Variants in CCDC97 observed in about 807,000 individuals in gnomAD.
CCDC97 encodes the protein coiled-coil domain-containing protein 97.
In CCDC97, 27 loss-of-function variants were observed where a neutral mutation model predicts 33.9. The observed-to-expected ratio is 0.80, with a 90% CI of 0.59 to 1.10. The LOEUF (loss-of-function observed/expected upper bound fraction) is 1.10, where lower values mean the gene tolerates loss of function less well. Among genes scored for constraint, CCDC97 ranks in the 50% least tolerant of loss-of-function variants. CCDC97 has a pLI of 0.00. For missense variants in CCDC97, 422 were observed against 476.6 expected (o/e 0.89, Z 1.07); for synonymous variants, 217 against 194.0 (o/e 1.12, Z -0.99).
chr19:41,322,446 TG>T (rs1200422673), intron 4 of CCDC97, 148 bp from the exon 5 acceptor site: 1 of 775,386 alleles, frequency 1.3e-6, no homozygotes, highest in Non-Finnish European at 2.0e-6. Flanking sequence ...TTTTAAACCC[TG>T]AGAGTTTTAA....
At chr19:41,311,605 T>C (rs1289970695) in intron 1 of CCDC97, among the ~76,000 whole-genome samples, 5 of 152,056 alleles carry the variant, frequency 3.3e-5, no homozygotes, top group African/African-American at 1.2e-4. Context: ...TCGTGGTATG[T>C]GCCTGTAATC....
intron 1 of CCDC97, among the ~76,000 whole-genome samples, chr19:41,314,927 AAGAG>A (rs1204194183): frequency 6.6e-6 from 1 of 151,932 alleles, no homozygotes; most frequent in East Asian, 1.9e-4. Context: ...GCCTGAGCTC[AAGAG>A]ATTGAGACCA....
At chr19:41,314,979 CTT>C (rs71177713) in intron 1 of CCDC97, among the ~76,000 whole-genome samples, 154 of 141,708 alleles carry the variant, frequency 1.1e-3, no homozygotes, top group Admixed American at 1.1e-3. Flanking sequence ...TTTACTGAAA[CTT>C]TTTTTTTTTT....
intron 1 of CCDC97, among the ~76,000 whole-genome samples, chr19:41,313,429 T>G (rs952363483): frequency 1.3e-5 from 2 of 152,190 alleles, no homozygotes; most frequent in Admixed American, 6.5e-5. Context: ...TCCTGACATC[T>G]TTCTGATTCG....
At chr19:41,311,292 G>T (rs941886967) in intron 1 of CCDC97, among the ~76,000 whole-genome samples, 3 of 152,024 alleles carry the variant, frequency 2.0e-5, no homozygotes, top group Non-Finnish European at 4.4e-5. Flanking sequence ...GGAGACTAAG[G>T]TGGGAGTGTC....
rs2037751102 is a variant in CCDC97 at position 41,316,669 on chromosome 19, T to G, written c.332T>G (p.Phe111Cys). ...HEKPLVFLER[F>C]RTGLREEHLA... ...AAGCCACTGGTGTTCCTGGAGCGCTTCCGCACAGGCCTCCGTGAGGAGCAT... is the reference window on the plus strand; with the variant it reads ...AAGCCACTGGTGTTCCTGGAGCGCTGCCGCACAGGCCTCCGTGAGGAGCAT... Residue 111 changes from phenylalanine to cysteine, a missense_variant, in exon 2 of 5, where the codon TTC becomes TGC. Phe to Cys is a radical substitution (Grantham distance 205). Coordinates refer to ENST00000269967, the MANE Select transcript of CCDC97 (RefSeq NM_052848.3). 6.2e-7 allele frequency: 1 copy of G among 1,613,982 alleles called. No homozygotes were observed. Among genetic ancestry groups the G allele is most frequent in the African/African-American group, 1.3e-5 (1 of 74,924 alleles).
chr19:41,311,441 TA>T, intron 1 of CCDC97, among the ~76,000 whole-genome samples: 1 of 150,866 alleles, frequency 6.6e-6, no homozygotes, highest in African/African-American at 2.4e-5. Context: ...ACAAAAAATT[TA>T]AAAATTAAGG....
At position 41,310,388 on chromosome 19, in the gene CCDC97, G is replaced by T. The variant is rs1259933025; in HGVS notation, c.46+32G>T. 3 of 1,589,990 alleles carry T rather than the reference G, an allele frequency of 1.9e-6. No individual in the cohort carries two copies. The East Asian group carries it at 6.9e-5, about 36-fold the overall frequency. On this transcript the variant is annotated intron_variant, in intron 1 of 4. Transcript: ENST00000269967. ...TCTTGGTCACGCGCAGGCGGCGGGT[G>T]GGTGCGGTTGCGGTGTCTCTAGGAA...
chr19:41,318,928 G>T (rs959820402), intron 2 of CCDC97, among the ~76,000 whole-genome samples: 1 of 152,098 alleles, frequency 6.6e-6, no homozygotes, highest in Non-Finnish European at 1.5e-5. Context: ...CGTGTCCACT[G>T]CCAGCCAGAC....
At chr19:41,313,928 G>T (rs1354319711) in intron 1 of CCDC97, among the ~76,000 whole-genome samples, 2 of 152,090 alleles carry the variant, frequency 1.3e-5, no homozygotes, top group Non-Finnish European at 2.9e-5. Flanking sequence ...TTGAATTTGT[G>T]GCCTCAAGTG....
At chr19:41,316,134 C>T (rs1185968305) in intron 1 of CCDC97, among the ~76,000 whole-genome samples, 1 of 152,124 alleles carries the variant, frequency 6.6e-6, no homozygotes, top group African/African-American at 2.4e-5. Flanking sequence ...CTCTTCCCTC[C>T]TCCTTCCCTG....
rs761392998 is a variant in CCDC97, at chr19:41,316,505, C to T, written c.168C>T (p.Ser56=). The T allele has an allele frequency of 2.6e-5, 42 of 1,614,110 alleles. No homozygotes were observed. Among genetic ancestry groups the T allele is most frequent in the Middle Eastern group, 3.3e-4 (2 of 6,084 alleles). The part of the protein sequence containing the change: ...ATPVALDSDT[S]GAENAAVSAM... ...CAGTGGCCCTGGACAGTGACACCTC[C>T]GGGGCTGAAAATGCAGCAGTGAGTG... The change falls in exon 2 of 5, where the codon TCC becomes TCT. Residue 56 remains serine (S), a synonymous_variant. Coordinates refer to ENST00000269967, the MANE Select transcript of CCDC97 (RefSeq NM_052848.3).
intron 4 of CCDC97, 75 bp downstream of exon 4, chr19:41,320,545 C>G (rs753505287): frequency 6.3e-7 from 1 of 1,580,568 alleles, no homozygotes; most frequent in Non-Finnish European, 8.7e-7. Context: ...GAGCCCTTAA[C>G]AAGCTGTGGG....
rs371174528 is a variant in CCDC97, at chr19:41,315,107, A to G, written c.47-1277A>G. On this transcript the variant is annotated intron_variant, in intron 1 of 4. Coordinates refer to ENST00000269967, the MANE Select transcript of CCDC97 (RefSeq NM_052848.3). ...ACGAGGTCAGGAGTTCGAGACCAGCACAGCCAAGATGGTGAAACCCTGTCT... is the reference window on the plus strand; with the variant it reads ...ACGAGGTCAGGAGTTCGAGACCAGCGCAGCCAAGATGGTGAAACCCTGTCT... 2.3e-3 allele frequency among the ~76,000 whole-genome samples: 346 copies of G among 150,366 alleles called. 1 individual carries two copies. The highest frequency in any genetic ancestry group is 8.2e-3 in the African/African-American group (335 of 40,734).
In CCDC97 at chr19:41,324,199, G is replaced by C. The variant is rs1798984878; in HGVS notation, c.*1484G>C. On this transcript the variant is annotated 3_prime_UTR_variant, in exon 5 of 5. Coordinates refer to ENST00000269967, the MANE Select transcript of CCDC97 (RefSeq NM_052848.3). ...CGACTATTAAAGAACGAAAGCCTCT[G>C]CTACGGAGCGCTTCTGTCCTCTGTC... 1.3e-5 allele frequency: 2 copies of C among 152,258 alleles called. No individual in the cohort carries two copies. Among genetic ancestry groups the C allele is most frequent in the Admixed American group, 1.3e-4 (2 of 15,284 alleles). The allele number at this position is 152,258 out of a possible 1,614,324, so 9.4% of individuals were successfully genotyped here.
In CCDC97 at chr19:41,319,824, GGAA is replaced by G. The variant is rs1472122559; in HGVS notation, c.756_758del (p.Glu255del). On this transcript the variant is annotated inframe_deletion, in exon 3 of 5. Transcript: ENST00000269967. Reference sequence around the variant, plus strand: ...AGGAGGAGGCCTGCTTGGAGGAAGAGGAAGAGGAGGAGGACAGTGACGAGGAAG... The same window carrying G: ...AGGAGGAGGCCTGCTTGGAGGAAGAGGAGGAGGAGGACAGTGACGAGGAAG... 2 of 1,571,298 alleles carry G rather than the reference GGAA, an allele frequency of 1.3e-6. No homozygotes were observed. The highest frequency in any genetic ancestry group is 1.1e-5 in the South Asian group (1 of 89,924).
Position 41,322,576 on chromosome 19 carries a change from C to T in CCDC97, c.912-19C>T, listed in dbSNP as rs555525666. 1 of 1,610,018 alleles carries T rather than the reference C, an allele frequency of 6.2e-7. No individual in the cohort carries two copies. The highest frequency in any genetic ancestry group is 1.3e-5 in the African/African-American group (1 of 74,996). The stretch of plus-strand genomic sequence containing the variant: ...GGTCCCAGGGAGACCCAGTCCTTGA[C>T]AGCCTCCTCCTCCTGCAGCACAGTA... On this transcript the variant is annotated intron_variant, in intron 4 of 4. Transcript: ENST00000269967.
chr19:41,314,042 G>A (rs1182854077), intron 1 of CCDC97, among the ~76,000 whole-genome samples: 1 of 152,070 alleles, frequency 6.6e-6, no homozygotes, highest in East Asian at 1.9e-4. Context: ...GATCCTGACT[G>A]TCTCCCACAT....
At position 41,323,102 on chromosome 19, in the gene CCDC97, C is replaced by T. The variant is rs1423960215; in HGVS notation, c.*387C>T. The T allele has an allele frequency of 1.2e-5, 2 of 164,296 alleles. No homozygotes were observed. The highest frequency in any genetic ancestry group is 4.8e-5 in the African/African-American group (2 of 41,568). 10.2% of individuals were successfully genotyped at this position (164,296 alleles called of 1,614,324 possible). On this transcript the variant is annotated 3_prime_UTR_variant, in exon 5 of 5. Transcript: ENST00000269967. ...CCACCGCAGGGCCCAAGGTGAAAGT[C>T]CTCCCCTTGCCGGAGGCCAGCTGGC...
Sources: allele counts gnomAD v4.1 joint callset (sites outside exome capture counted in the v4.1 genomes callset), GRCh38; gene constraint gnomAD v4.1.1; transcripts MANE v1.5; gene names NCBI Gene and HGNC (gene_info 2026-07-23, HGNC 2026-07-21).